The following MCU variants were observed in gnomAD, a reference collection of about 807,000 sequenced individuals.
MCU encodes mitochondrial calcium uniporter.
Under a neutral mutation model 45.2 loss-of-function variants are expected in MCU, and 12 were observed. That is an observed-to-expected ratio of 0.27 (90% CI 0.17 to 0.43). The LOEUF is 0.43. Ranked by LOEUF, MCU falls within the 20% of genes least tolerant of loss-of-function variation. The pLI, the probability that MCU is intolerant of heterozygous loss-of-function variation, is 1.00. For missense variants in MCU, 324 were observed against 436.7 expected, an observed-to-expected ratio of 0.74 and a Z score of 2.30; for synonymous variants, 160 against 165.1, an observed-to-expected ratio of 0.97 and a Z score of 0.24.
Position 72,871,368 on chromosome 10 carries a change from G to A in MCU, c.658-9G>A. 6.2e-7 allele frequency: 1 copy of A among 1,613,514 alleles called. No individual in the cohort carries two copies. Among genetic ancestry groups the A allele is most frequent in the Non-Finnish European group, 8.5e-7 (1 of 1,179,470 alleles). On this transcript the variant is annotated splice_polypyrimidine_tract_variant and intron_variant, in intron 5 of 7. Coordinates refer to ENST00000373053, the MANE Select transcript of MCU (RefSeq NM_138357.3). ...GTCAAAATGCCTTATGATTATGTGT[G>A]CCCAATAGGTACGAATTGAGATTAG...
chr10:72,711,177 C>CA (rs754026436), intron 1 of MCU, among the ~76,000 whole-genome samples: 427 of 108,432 alleles, frequency 3.9e-3, no homozygotes, highest in Middle Eastern at 0.012. Context: ...AACTCTGTCT[C>CA]AAAAAAAAAA....
rs547199386 is a variant in MCU at position 72,703,920 on chromosome 10, A to C, written c.150+11619A>C. ...ACAACAACAACAACAACAACAACAAAAAACAACTAAAAAAAAGTTTCATGA... is the reference window on the plus strand; with the variant it reads ...ACAACAACAACAACAACAACAACAACAAACAACTAAAAAAAAGTTTCATGA... On this transcript the variant is annotated intron_variant, in intron 1 of 7. Coordinates refer to ENST00000373053, the MANE Select transcript of MCU (RefSeq NM_138357.3). Among the ~76,000 whole-genome samples, 6 of 151,670 alleles carry C rather than the reference A, an allele frequency of 4.0e-5. 1 individual carries two copies. The South Asian group carries it at 8.3e-4, about 21-fold the overall frequency.
intron 5 of MCU, among the ~76,000 whole-genome samples, chr10:72,871,099 C>T (rs1268107900): frequency 2.0e-5 from 3 of 152,006 alleles, no homozygotes; most frequent in Non-Finnish European, 2.9e-5. Context: ...GGGATTTCGC[C>T]ATGTCGCCCA....
rs182172676 is a variant in MCU, at chr10:72,871,686, A to G, written c.861+106A>G. 24 of 886,486 alleles carry G rather than the reference A, an allele frequency of 2.7e-5. No individual in the cohort carries two copies. In the Admixed American group the frequency reaches 4.3e-4, roughly 16 times the overall value. The allele number at this position is 886,486 out of a possible 1,614,324, so 54.9% of individuals were successfully genotyped here. On this transcript the variant is annotated intron_variant, in intron 6 of 7. Coordinates refer to ENST00000373053, the MANE Select transcript of MCU (RefSeq NM_138357.3). Reference sequence around the variant, plus strand: ...TAAAGCCAGTTTTCTTTAAGTACTCATCCTTTACACATACACACACATGTG... The same window carrying G: ...TAAAGCCAGTTTTCTTTAAGTACTCGTCCTTTACACATACACACACATGTG...
At position 72,853,052 on chromosome 10, in the gene MCU, A is replaced by G. The variant is rs76309689; in HGVS notation, c.221-6125A>G. Among the ~76,000 whole-genome samples, 38 of 152,334 alleles carry G rather than the reference A, an allele frequency of 2.5e-4. No individual in the cohort carries two copies. The East Asian group carries it at 7.3e-3, about 29-fold the overall frequency. Reference sequence around the variant, plus strand: ...GAAGTCTTGAAAGGGCCAAACTAACATGCAACTAATTTAACTATACAAGAT... The same window carrying G: ...GAAGTCTTGAAAGGGCCAAACTAACGTGCAACTAATTTAACTATACAAGAT... On this transcript the variant is annotated intron_variant, in intron 2 of 7. Coordinates refer to ENST00000373053, the MANE Select transcript of MCU (RefSeq NM_138357.3).
chr10:72,729,773 G>A (rs910382201), intron 1 of MCU, among the ~76,000 whole-genome samples: 4 of 152,052 alleles, frequency 2.6e-5, no homozygotes, highest in Non-Finnish European at 2.9e-5. Context: ...ATAATTCTTT[G>A]TGGTTGGGAG....
chr10:72,768,082 C>T (rs138655098), intron 1 of MCU, among the ~76,000 whole-genome samples: 6 of 151,376 alleles, frequency 4.0e-5, no homozygotes, highest in Admixed American at 2.0e-4. Flanking sequence ...CATGAAACAA[C>T]GAGCAGTTAT....
chr10:72,831,872 C>T (rs1250066757), intron 1 of MCU, among the ~76,000 whole-genome samples: 2 of 151,970 alleles, frequency 1.3e-5, no homozygotes, highest in Non-Finnish European at 2.9e-5. Flanking sequence ...AGGGGTAAAG[C>T]ACAGTAATGT....
At chr10:72,882,647 T>C (rs543229844) in intron 6 of MCU, among the ~76,000 whole-genome samples, 1 of 152,328 alleles carries the variant, frequency 6.6e-6, no homozygotes, top group East Asian at 1.9e-4. Context: ...TGTCTCCTGA[T>C]AAGATGTTAT....
At chr10:72,839,789 T>G (rs1052703597) in intron 2 of MCU, among the ~76,000 whole-genome samples, 11 of 134,538 alleles carry the variant, frequency 8.2e-5, no homozygotes, top group Admixed American at 1.5e-4. Flanking sequence ...CTGTCTCTAC[T>G]AAGAATACAA....
chr10:72,692,903 C>T, intron 1 of MCU: 2 of 1,487,798 alleles, frequency 1.3e-6, no homozygotes, highest in Non-Finnish European at 8.9e-7. Context: ...GCATGGGGAA[C>T]CGGCTCCCTC....
At chr10:72,750,803 C>A (rs535865970) in intron 1 of MCU, among the ~76,000 whole-genome samples, 1 of 152,180 alleles carries the variant, frequency 6.6e-6, no homozygotes, top group South Asian at 2.1e-4. Flanking sequence ...CATCCCTAAC[C>A]CCCCTGACAA....
At chr10:72,747,451 C>A (rs1843430565) in intron 1 of MCU, among the ~76,000 whole-genome samples, 1 of 152,138 alleles carries the variant, frequency 6.6e-6, no homozygotes, top group South Asian at 2.1e-4. Context: ...GTTCTTGTTA[C>A]AGATAATTTT....
chr10:72,753,232 ATAAG>A (rs537523512), intron 1 of MCU, among the ~76,000 whole-genome samples: 21 of 152,312 alleles, frequency 1.4e-4, no homozygotes, highest in Non-Finnish European at 2.1e-4. Context: ...CTTCCCTAAA[ATAAG>A]TAACACCCAA....
intron 1 of MCU, among the ~76,000 whole-genome samples, chr10:72,817,983 C>T (rs1372004315): frequency 6.6e-6 from 1 of 152,154 alleles, no homozygotes; most frequent in African/African-American, 2.4e-5. Context: ...TTTGGACTTG[C>T]ACTGTTCTTT....
chr10:72,703,824 AG>A (rs1315225337), intron 1 of MCU, among the ~76,000 whole-genome samples: 1 of 152,122 alleles, frequency 6.6e-6, no homozygotes, highest in Non-Finnish European at 1.5e-5. Context: ...TGAACCCAGG[AG>A]GCAGAGGCTG....
At chr10:72,850,851 T>G (rs1433619691) in intron 2 of MCU, among the ~76,000 whole-genome samples, 1 of 152,236 alleles carries the variant, frequency 6.6e-6, no homozygotes, top group Non-Finnish European at 1.5e-5. Flanking sequence ...AGCAAAAGAT[T>G]AAAAAATTCA....
chr10:72,808,113 A>G (rs1353434216), intron 1 of MCU, among the ~76,000 whole-genome samples: 2 of 152,186 alleles, frequency 1.3e-5, no homozygotes, highest in African/African-American at 4.8e-5. Context: ...ACAATGCCAT[A>G]TTATCACCAC....
At chr10:72,818,410 G>A (rs907806894) in intron 1 of MCU, among the ~76,000 whole-genome samples, 1 of 152,164 alleles carries the variant, frequency 6.6e-6, no homozygotes, top group Non-Finnish European at 1.5e-5. Context: ...TTCTGTTTTG[G>A]AAACTTGAAC....
Sources: allele counts gnomAD v4.1 joint callset (sites outside exome capture counted in the v4.1 genomes callset), GRCh38; gene constraint gnomAD v4.1.1; transcripts MANE v1.5; gene names NCBI Gene and HGNC (gene_info 2026-07-23, HGNC 2026-07-21).